Variants in ASF1A observed in about 807,000 individuals in gnomAD.
ASF1A encodes histone chaperone ASF1A.
In ASF1A, 5 loss-of-function variants were observed where a neutral mutation model predicts 22.0. The observed-to-expected ratio is 0.23, with a 90% CI of 0.12 to 0.48. ASF1A has a LOEUF of 0.48. ASF1A is among the 20% of genes least tolerant of loss of function. The pLI is 0.99. For synonymous variants in ASF1A, 97 were observed against 86.7 expected, an observed-to-expected ratio of 1.12 and a Z score of -0.66; for missense variants, 137 against 240.6, an observed-to-expected ratio of 0.57 and a Z score of 2.85.
chr6:118,895,814 T>G (rs1266276825), intron 1 of ASF1A, among the ~76,000 whole-genome samples: 1 of 152,150 alleles, frequency 6.6e-6, no homozygotes, highest in Non-Finnish European at 1.5e-5. Context: ...TGAAGATGAT[T>G]TAGGTAATCG....
At chr6:118,905,433 A>G (rs568524554) in intron 2 of ASF1A, among the ~76,000 whole-genome samples, 22 of 152,362 alleles carry the variant, frequency 1.4e-4, no homozygotes, top group African/African-American at 4.8e-4. Flanking sequence ...CATGCTTTCA[A>G]GTATCAAGGG....
In ASF1A at chr6:118,905,655, G is replaced by A; in HGVS notation, c.229G>A (p.Asp77Asn). ...AGRHMFVFQA[D>N]APNPGLIPDA... The stretch of plus-strand genomic sequence containing the variant: ...TTTTCTTTTTAATTTATTCTAGGCT[G>A]ATGCACCTAATCCAGGACTCATTCC... The change falls in exon 3 of 4, where the codon GAT becomes AAT. Residue 77 changes from aspartate to asparagine, a missense_variant. Physicochemically the swap from Asp to Asn is conservative, Grantham distance 23. Around this residue, in one of 2 missense-constraint regions of ASF1A, gnomAD observed 96 missense variants for 196.7 expected, o/e 0.49. Coordinates refer to ENST00000229595, the MANE Select transcript of ASF1A (RefSeq NM_014034.3). 1 of 1,605,986 alleles carries A rather than the reference G, an allele frequency of 6.2e-7. No homozygotes were observed.
At chr6:118,906,468 T>G (rs764915520) in intron 3 of ASF1A, among the ~76,000 whole-genome samples, 9 of 152,202 alleles carry the variant, frequency 5.9e-5, no homozygotes, top group Non-Finnish European at 1.0e-4. Context: ...ATTTCAACCT[T>G]TAGGACAAAC....
chr6:118,894,264 T>C lies in ASF1A; in HGVS notation c.-150T>C, dbSNP rs574624424. 11 of 1,458,026 alleles carry C rather than the reference T, an allele frequency of 7.5e-6. No homozygotes were observed. The African/African-American group carries it at 8.5e-5, about 11-fold the overall frequency. The allele number at this position is 1,458,026 out of a possible 1,614,324, so 90.3% of individuals were successfully genotyped here. ...ACACTGTGGAGTGCTCCCGTGTAAA[T>C]AAAAAGAGGAAAAAAGTTTCTCAAG... On this transcript the variant is annotated 5_prime_UTR_variant, in exon 1 of 4. Coordinates refer to ENST00000229595, the MANE Select transcript of ASF1A (RefSeq NM_014034.3).
Position 118,908,541 on chromosome 6 carries a change from T to G in ASF1A, c.*927T>G, listed in dbSNP as rs1316930682. 6.6e-6 allele frequency: 1 copy of G among 152,122 alleles called. No homozygotes were observed. 9.4% of individuals were successfully genotyped at this position (152,122 alleles called of 1,614,324 possible). ...AGCTTTATTATAATAGATACGTTAC[T>G]ATTTTGGAAATATATATATTTTCAC... is the stretch of plus-strand genomic sequence containing the variant. On this transcript the variant is annotated 3_prime_UTR_variant, in exon 4 of 4. Coordinates refer to ENST00000229595, the MANE Select transcript of ASF1A (RefSeq NM_014034.3).
chr6:118,899,370 TTCC>T (rs1374014049), intron 1 of ASF1A, among the ~76,000 whole-genome samples: 1 of 152,144 alleles, frequency 6.6e-6, no homozygotes, highest in Admixed American at 6.5e-5. Context: ...GTTTGGTGCT[TTCC>T]TCCTTCCTTT....
intron 1 of ASF1A, among the ~76,000 whole-genome samples, chr6:118,894,801 G>A (rs930905206): frequency 6.6e-6 from 1 of 152,220 alleles, no homozygotes; most frequent in African/African-American, 2.4e-5. Context: ...GGGCAGCTCG[G>A]AGACCCGCAC....
intron 2 of ASF1A, among the ~76,000 whole-genome samples, chr6:118,904,078 G>C (rs1779997374): frequency 7.0e-6 from 1 of 142,484 alleles, no homozygotes; most frequent in South Asian, 2.1e-4. Context: ...TTAATAATCT[G>C]AGGTTTTAAA....
chr6:118,898,710 G>A (rs868691476), intron 1 of ASF1A, among the ~76,000 whole-genome samples: 6 of 152,274 alleles, frequency 3.9e-5, no homozygotes, highest in Middle Eastern at 3.4e-3. Flanking sequence ...GAGCCACTGC[G>A]CCCAGCCACT....
intron 2 of ASF1A, among the ~76,000 whole-genome samples, chr6:118,904,737 A>G (rs1465342968): frequency 2.0e-5 from 3 of 152,258 alleles, no homozygotes; most frequent in African/African-American, 7.2e-5. Flanking sequence ...TGGTTTAAAG[A>G]GCATACTATA....
chr6:118,898,545 C>T (rs2114508529), intron 1 of ASF1A, among the ~76,000 whole-genome samples: 1 of 151,988 alleles, frequency 6.6e-6, no homozygotes, highest in Admixed American at 6.5e-5. Flanking sequence ...GTGCCTCAGC[C>T]TCCCGAGTAG....
At chr6:118,900,328 A>C (rs1247886342) in intron 1 of ASF1A, among the ~76,000 whole-genome samples, 1 of 152,196 alleles carries the variant, frequency 6.6e-6, no homozygotes, top group Admixed American at 6.5e-5. Context: ...CTGCCCTTCC[A>C]AAGTGTGTTG....
chr6:118,903,977 T>C lies in ASF1A; in HGVS notation c.226-1675T>C, dbSNP rs546746449. On this transcript the variant is annotated intron_variant, in intron 2 of 3. Coordinates refer to ENST00000229595, the MANE Select transcript of ASF1A (RefSeq NM_014034.3). ...GTTAAAGGAGGTATGAATGGAGATATTGGCTGGAGACAAACTGAGAAGGGC... is the reference window on the plus strand; with the variant it reads ...GTTAAAGGAGGTATGAATGGAGATACTGGCTGGAGACAAACTGAGAAGGGC... Among the ~76,000 whole-genome samples the C allele has an allele frequency of 1.8e-4, 27 of 152,176 alleles. No homozygotes were observed. The South Asian group carries it at 5.6e-3, about 32-fold the overall frequency.
intron 1 of ASF1A, among the ~76,000 whole-genome samples, chr6:118,896,080 CACAT>C (rs1278987532): frequency 1.3e-5 from 2 of 149,204 alleles, no homozygotes; most frequent in Non-Finnish European, 3.0e-5. Context: ...AGCATAAATG[CACAT>C]ACATATATAG....
chr6:118,905,927 A>T lies in ASF1A; in HGVS notation c.402+99A>T, dbSNP rs1000266195. The T allele has an allele frequency of 1.7e-5, 15 of 882,674 alleles. No homozygotes were observed. The South Asian group carries it at 3.0e-4, about 18-fold the overall frequency. The allele number at this position is 882,674 out of a possible 1,614,324, so 54.7% of individuals were successfully genotyped here. A position where few individuals can be genotyped will look rare whatever the true frequency, so the allele number is the denominator to read the frequency against. On this transcript the variant is annotated intron_variant, in intron 3 of 3. Transcript: ENST00000229595. ...AGTATACTATTAAAATGGCTTTGAG[A>T]TAAAATAAATATGAGGTCCTTATGC...
chr6:118,907,716 T>G lies in ASF1A; in HGVS notation c.*102T>G. 1 of 898,640 alleles carries G rather than the reference T, an allele frequency of 1.1e-6. No homozygotes were observed. The highest frequency in any genetic ancestry group is 1.7e-6 in the Non-Finnish European group (1 of 592,062). The allele number at this position is 898,640 out of a possible 1,614,324, so 55.7% of individuals were successfully genotyped here. A position where few individuals can be genotyped will look rare whatever the true frequency, so the allele number is the denominator to read the frequency against. Reference sequence around the variant, plus strand: ...TAGTCAAAACACAATGTGAAGAATTTGTTTAAAAACATCCTGTAGAAAGTT... The same window carrying G: ...TAGTCAAAACACAATGTGAAGAATTGGTTTAAAAACATCCTGTAGAAAGTT... On this transcript the variant is annotated 3_prime_UTR_variant, in exon 4 of 4. Transcript: ENST00000229595.
intron 3 of ASF1A, 93 bp downstream of exon 3, chr6:118,905,921 T>C: frequency 1.0e-6 from 1 of 957,354 alleles, no homozygotes; most frequent in South Asian, 1.9e-5. Flanking sequence ...TTAAAATGGC[T>C]TTGAGATAAA....
chr6:118,894,585 G>C (rs1042490786), intron 1 of ASF1A, 63 bp downstream of exon 1: 32 of 1,380,048 alleles, frequency 2.3e-5, no homozygotes, highest in Admixed American at 5.9e-5. Flanking sequence ...AAAGTTTCCC[G>C]GGCCGGGCCT....
chr6:118,898,970 T>G (rs1166474637), intron 1 of ASF1A, among the ~76,000 whole-genome samples: 2 of 152,152 alleles, frequency 1.3e-5, no homozygotes, highest in African/African-American at 2.4e-5. Flanking sequence ...GTATCTCTGC[T>G]TAGAAGCAGA....
Sources: allele counts gnomAD v4.1 joint callset (sites outside exome capture counted in the v4.1 genomes callset), GRCh38; gene constraint gnomAD v4.1.1; regional missense constraint gnomAD v4.1.1; transcripts MANE v1.5; gene names NCBI Gene and HGNC (gene_info 2026-07-23, HGNC 2026-07-21).